Variants in PRDM16 observed in about 807,000 individuals in gnomAD.
The protein encoded by PRDM16 is PR/SET domain 16.
A neutral mutation model predicts 110.6 loss-of-function variants in PRDM16; 23 were observed. The ratio of observed to expected loss-of-function variants is 0.21; its 90% CI spans 0.15 to 0.29. The LOEUF (loss-of-function observed/expected upper bound fraction) is 0.29, where lower values mean the gene tolerates loss of function less well. Among genes scored for constraint, PRDM16 ranks in the 10% least tolerant of loss-of-function variants. PRDM16 has a pLI of 1.00. For synonymous variants in PRDM16, 799 were observed against 781.8 expected, an observed-to-expected ratio of 1.02 and a Z score of -0.37; for missense variants, 1,615 against 1,794.3, an observed-to-expected ratio of 0.90 and a Z score of 1.81.
chr1:3,181,245 GTCT>G (rs1644168324), intron 1 of PRDM16, among the ~76,000 whole-genome samples: 3 of 106,228 alleles, frequency 2.8e-5, no homozygotes, highest in African/African-American at 1.0e-4. Context: ...CTTACACACA[GTCT>G]TACACACGCA....
At chr1:3,306,340 A>G (rs934623163) in intron 3 of PRDM16, among the ~76,000 whole-genome samples, 4 of 152,226 alleles carry the variant, frequency 2.6e-5, no homozygotes, top group Non-Finnish European at 4.4e-5. Flanking sequence ...TAAGGAGGCC[A>G]AGACACAGGG....
intron 3 of PRDM16, among the ~76,000 whole-genome samples, chr1:3,337,937 T>G (rs754148931): frequency 1.3e-5 from 2 of 152,124 alleles, no homozygotes; most frequent in Non-Finnish European, 2.9e-5. Context: ...CACAGACACA[T>G]GTACACACAT....
chr1:3,275,115 G>A (rs1249175781), intron 3 of PRDM16, among the ~76,000 whole-genome samples: 1 of 152,240 alleles, frequency 6.6e-6, no homozygotes, highest in Admixed American at 6.5e-5. Flanking sequence ...GAAATGTGCC[G>A]CCAGGCACTG....
At chr1:3,432,167 C>A in intron 16 of PRDM16, 27 bp downstream of exon 16, 1 of 1,602,534 alleles carries the variant, frequency 6.2e-7, no homozygotes, top group East Asian at 2.2e-5. Context: ...GCCCCTCCCC[C>A]ACCCCACCTG....
intron 1 of PRDM16, among the ~76,000 whole-genome samples, chr1:3,185,704 T>C (rs1287433086): frequency 2.6e-5 from 4 of 152,244 alleles, no homozygotes; most frequent in Admixed American, 2.6e-4. Flanking sequence ...TATTTCACCA[T>C]CAGCCAGCCC....
At chr1:3,428,037 G>T (rs769234368) in intron 14 of PRDM16, among the ~76,000 whole-genome samples, 1 of 152,212 alleles carries the variant, frequency 6.6e-6, no homozygotes, top group South Asian at 2.1e-4. Context: ...CCAGAGTAAG[G>T]CCAGGCGAGG....
intron 2 of PRDM16, among the ~76,000 whole-genome samples, chr1:3,193,759 G>A (rs1173429775): frequency 1.3e-5 from 2 of 152,244 alleles, no homozygotes; most frequent in Non-Finnish European, 2.9e-5. Context: ...TGTACTGGGG[G>A]AGGGGGTGGT....
intron 1 of PRDM16, among the ~76,000 whole-genome samples, chr1:3,171,606 C>T (rs1427141574): frequency 6.6e-6 from 1 of 152,222 alleles, no homozygotes; most frequent in African/African-American, 2.4e-5. Context: ...TTGGGGGGCC[C>T]TTCCCCAAAT....
chr1:3,427,083 CAT>C (rs1352653941), intron 14 of PRDM16, among the ~76,000 whole-genome samples: 2 of 152,256 alleles, frequency 1.3e-5, no homozygotes, highest in Non-Finnish European at 2.9e-5. Flanking sequence ...CCTAGAGACA[CAT>C]GTACACGCAT....
intron 3 of PRDM16, among the ~76,000 whole-genome samples, chr1:3,247,459 T>G (rs1396136295): frequency 6.6e-6 from 1 of 152,182 alleles, no homozygotes; most frequent in African/African-American, 2.4e-5. Flanking sequence ...AACTCAGGAC[T>G]GTGGCGCGGG....
intron 1 of PRDM16, among the ~76,000 whole-genome samples, chr1:3,119,268 G>A (rs1178143172): frequency 1.3e-5 from 2 of 152,252 alleles, no homozygotes; most frequent in African/African-American, 2.4e-5. Flanking sequence ...GTGAAGGGCC[G>A]GTGCCTCGGC....
chr1:3,344,426 CCT>C (rs1276002821), intron 3 of PRDM16, among the ~76,000 whole-genome samples: 1 of 152,028 alleles, frequency 6.6e-6, no homozygotes, highest in African/African-American at 2.4e-5. Flanking sequence ...TGGCATTTCC[CCT>C]CTGTTAGTTC....
At position 3,390,846 on chromosome 1, in the gene PRDM16, T is replaced by C. The variant is rs547791519; in HGVS notation, c.573+5560T>C. Among the ~76,000 whole-genome samples the C allele has an allele frequency of 2.6e-5, 4 of 151,612 alleles. No individual in the cohort carries two copies. The East Asian group carries it at 7.7e-4, about 29-fold the overall frequency. On this transcript the variant is annotated intron_variant, in intron 4 of 16. Coordinates refer to ENST00000270722, the MANE Select transcript of PRDM16 (RefSeq NM_022114.4). The surrounding 1 kb of genome is among the most constrained non-coding windows in gnomAD (Gnocchi z 5.0). ...TCTCTCACAGTGTGTTTTTTTTTTT[T>C]TTTTTTTAGACAGAGTTTCACTCTT...
rs1360639324 is a variant in PRDM16 at position 3,069,349 on chromosome 1, C to T, written c.37+53C>T. 4.0e-5 allele frequency: 37 copies of T among 917,992 alleles called. No individual in the cohort carries two copies. In the South Asian group the frequency reaches 1.6e-3, roughly 41 times the overall value. The allele number at this position is 917,992 out of a possible 1,614,324, so 56.9% of individuals were successfully genotyped here. A position where few individuals can be genotyped will look rare whatever the true frequency, so the allele number is the denominator to read the frequency against. On this transcript the variant is annotated intron_variant, in intron 1 of 16. Coordinates refer to ENST00000270722, the MANE Select transcript of PRDM16 (RefSeq NM_022114.4). This position sits in a 1 kb window ranked among gnomAD's most constrained non-coding sequence, Gnocchi z 6.1. Reference sequence around the variant, plus strand: ...CGCCGCCGGGGCCCGGGCCGCCGGGCCGGGGCGCCCGGGCCAGGGGTGCGC... The same window carrying T: ...CGCCGCCGGGGCCCGGGCCGCCGGGTCGGGGCGCCCGGGCCAGGGGTGCGC...
At chr1:3,128,570 G>A (rs1212823664) in intron 1 of PRDM16, among the ~76,000 whole-genome samples, 5 of 152,160 alleles carry the variant, frequency 3.3e-5, no homozygotes, top group Non-Finnish European at 7.3e-5. Context: ...CATGAGGGCC[G>A]AGGACTCTCA....
chr1:3,119,020 G>A (rs1452055108), intron 1 of PRDM16, among the ~76,000 whole-genome samples: 1 of 152,226 alleles, frequency 6.6e-6, no homozygotes, highest in Non-Finnish European at 1.5e-5. Flanking sequence ...CAGGCAGGGT[G>A]GGTCCTCCCT....
rs999848669 is a variant in PRDM16 at position 3,213,399 on chromosome 1, C to A, written c.387+26925C>A. ...GCGGGATGGCGGGTCCTGGGCGTCT[C>A]GGCTCCGCCATTGTCATTAATTATA... On this transcript the variant is annotated intron_variant, in intron 2 of 16. Coordinates refer to ENST00000270722, the MANE Select transcript of PRDM16 (RefSeq NM_022114.4). The surrounding 1 kb of genome is among the most constrained non-coding windows in gnomAD (Gnocchi z 5.3). 6.6e-6 allele frequency among the ~76,000 whole-genome samples: 1 copy of A among 152,298 alleles called. No homozygotes were observed. Among genetic ancestry groups the A allele is most frequent in the African/African-American group, 2.4e-5 (1 of 41,552 alleles).
chr1:3,409,816 TGTGTGTGGTTGTGTGTGG>T (rs1452575623), intron 8 of PRDM16, among the ~76,000 whole-genome samples: 2 of 72,750 alleles, frequency 2.7e-5, no homozygotes, highest in Non-Finnish European at 5.0e-5. Flanking sequence ...TATGTGTGCA[TGTGTGTGGTTGTGTGTGG>T]GTGTGTGGTG....
chr1:3,435,863 T>C lies in PRDM16; in HGVS notation c.*2052T>C. ...CCCGACGGATCACAGTGAAAGGGAT[T>C]CCTCCCACGCCAGATCTGCACAACG... On this transcript the variant is annotated 3_prime_UTR_variant, in exon 17 of 17. Coordinates refer to ENST00000270722, the MANE Select transcript of PRDM16 (RefSeq NM_022114.4). The C allele has an allele frequency of 4.3e-6, 1 of 231,866 alleles. No individual in the cohort carries two copies. The allele number at this position is 231,866 out of a possible 1,614,324, so 14.4% of individuals were successfully genotyped here. A position where few individuals can be genotyped will look rare whatever the true frequency, so the allele number is the denominator to read the frequency against.
Sources: gnomAD v4.1 joint callset for allele counts (sites outside exome capture counted in the v4.1 genomes callset) on GRCh38, gnomAD v4.1.1 for gene constraint, Gnocchi (gnomAD v3.1) non-coding constraint, MANE v1.5 for transcripts, NCBI Gene and HGNC (gene_info 2026-07-23, HGNC 2026-07-21) for gene names.